TERF2IP: variants seen among roughly 807,000 people sequenced by gnomAD.
TERF2IP encodes telomeric repeat-binding factor 2-interacting protein 1.
Under a neutral mutation model 33.3 loss-of-function variants are expected in TERF2IP, and 35 were observed. The ratio of observed to expected loss-of-function variants is 1.05; its 90% CI spans 0.80 to 1.39. The LOEUF (loss-of-function observed/expected upper bound fraction) is 1.39. Among genes scored for constraint, TERF2IP ranks in the 40% most tolerant of loss-of-function variants. The pLI, the probability that TERF2IP is intolerant of heterozygous loss-of-function variation, is 0.00. For missense variants in TERF2IP, 583 were observed against 524.8 expected (o/e 1.11, Z -1.08); for synonymous variants, 253 against 223.2 (o/e 1.13, Z -1.19).
chr16:75,651,097 G>C (rs938980338), intron 1 of TERF2IP, among the ~76,000 whole-genome samples: 3 of 152,060 alleles, frequency 2.0e-5, no homozygotes, highest in African/African-American at 7.2e-5. Context: ...ATATTAGCAT[G>C]GTGATAAGTT....
intron 1 of TERF2IP, among the ~76,000 whole-genome samples, chr16:75,649,909 T>G (rs2082334669): frequency 6.6e-6 from 1 of 152,176 alleles, no homozygotes; most frequent in Non-Finnish European, 1.5e-5. Context: ...GATAGACCCT[T>G]TTGTTTAAAG....
At chr16:75,652,205 G>A (rs988717074) in intron 1 of TERF2IP, among the ~76,000 whole-genome samples, 11 of 152,188 alleles carry the variant, frequency 7.2e-5, no homozygotes, top group African/African-American at 2.4e-4. Context: ...CTCTATTACC[G>A]TCTCTTGTCT....
Position 75,648,003 on chromosome 16 carries a change from C to T in TERF2IP, c.121C>T (p.Arg41Trp). ...CGTGCGGCCCAGCCCGGCCAAGCGT[C>T]GGCTGTCGACGCTCATCCTGCACGG... ...FYVRPSPAKRRLSTLILHGGG... is the reference protein window; with the variant it reads ...FYVRPSPAKRWLSTLILHGGG... The change falls in exon 1 of 3, where the codon CGG (arginine) becomes TGG (tryptophan). Residue 41 changes from arginine (R) to tryptophan (W), a missense_variant. Arg to Trp is a moderately radical substitution (Grantham distance 101, BLOSUM62 -3). Transcript: ENST00000300086. 1 of 1,613,132 alleles carries T rather than the reference C, an allele frequency of 6.2e-7. No individual in the cohort carries two copies.
chr16:75,648,099 G>T lies in TERF2IP; in HGVS notation c.217G>T (p.Glu73Ter). The change falls in exon 1 of 3, where the codon GAG becomes TAG. Residue 73 changes from glutamate to a stop codon, truncating the protein, a stop_gained. Transcript: ENST00000300086. LOFTEE classifies it high-confidence loss of function. ...LLAQPGEALA[E>*]ASGDFISTQY... ...GGCCCAGCCCGGGGAGGCGCTGGCC[G>T]AGGCCTCGGGTGATTTCATCTCCAC... 6.4e-7 allele frequency: 1 copy of T among 1,558,258 alleles called. No individual in the cohort carries two copies. The highest frequency in any genetic ancestry group is 8.7e-7 in the Non-Finnish European group (1 of 1,152,332).
rs76657822 is a variant in TERF2IP at position 75,656,337 on chromosome 16, C to T, written c.926C>T (p.Pro309Leu). 1.2e-6 allele frequency: 2 copies of T among 1,613,974 alleles called. No individual in the cohort carries two copies. The highest frequency in any genetic ancestry group is 1.6e-4 in the Middle Eastern group (1 of 6,062). Residue 309 changes from proline to leucine, a missense_variant, in exon 3 of 3, where the codon CCA (proline) becomes CTA (leucine). By Grantham distance (98) the Pro-to-Leu change is moderately conservative. Transcript: ENST00000300086. ...EEEEEEKVSQ[P>L]EVGAAIKIIR... ...GAAGAAGAAGAAAAAGTTTCTCAACCAGAGGTGGGAGCTGCCATTAAGATC... is the reference window on the plus strand; with the variant it reads ...GAAGAAGAAGAAAAAGTTTCTCAACTAGAGGTGGGAGCTGCCATTAAGATC...
chr16:75,651,971 G>T (rs1446914323), intron 1 of TERF2IP, among the ~76,000 whole-genome samples: 1 of 152,140 alleles, frequency 6.6e-6, no homozygotes, highest in Non-Finnish European at 1.5e-5. Context: ...TAGTGTATGG[G>T]AAAACAAGTA....
Position 75,654,400 on chromosome 16 carries a change from A to G in TERF2IP, c.795+3A>G, listed in dbSNP as rs963808643. ...CCCGGGAGTTTGAGGAGGTTGTGGT[A>G]TGTTAACTAGATTTACTCATTATTT... On this transcript the variant is annotated splice_donor_region_variant and intron_variant, in intron 2 of 2. Transcript: ENST00000300086. The G allele has an allele frequency of 1.2e-6, 2 of 1,611,956 alleles. No homozygotes were observed. The highest frequency in any genetic ancestry group is 2.7e-5 in the African/African-American group (2 of 74,874).
At chr16:75,655,273 C>G (rs980973062) in intron 2 of TERF2IP, among the ~76,000 whole-genome samples, 2 of 152,182 alleles carry the variant, frequency 1.3e-5, no homozygotes, top group African/African-American at 2.4e-5. Context: ...TTCAGTCTAG[C>G]TTATATTACT....
intron 1 of TERF2IP, among the ~76,000 whole-genome samples, chr16:75,650,451 T>C (rs1199587902): frequency 6.6e-6 from 1 of 152,160 alleles, no homozygotes; most frequent in African/African-American, 2.4e-5. Flanking sequence ...GAGGGAGAAT[T>C]AATTATAGCA....
rs896541233 is a variant in TERF2IP at position 75,654,293 on chromosome 16, C to G, written c.691C>G (p.Pro231Ala). 6.2e-7 allele frequency: 1 copy of G among 1,613,516 alleles called. No homozygotes were observed. The highest frequency in any genetic ancestry group is 1.7e-5 in the Admixed American group (1 of 59,984). Residue 231 changes from proline (P) to alanine (A), a missense_variant, in exon 2 of 3, where the codon CCA becomes GCA. Physicochemically the swap from Pro to Ala is conservative, Grantham distance 27. Coordinates refer to ENST00000300086, the MANE Select transcript of TERF2IP (RefSeq NM_018975.4). ...DSGEPQNKRT[P>A]DLPEEEYVKE... ...AACAGAACCACAGAATAAGAGAACT[C>G]CAGATTTGCCTGAAGAAGAGTATGT...
At position 75,656,552 on chromosome 16, in the gene TERF2IP, T is replaced by C. The variant is rs1215840317; in HGVS notation, c.1141T>C (p.Leu381=). ...AGATGATGAGGATACCAGAGAGGCA[T>C]TGGTCAAAAAATTTGGTGCTCAGAA... The part of the protein sequence containing the change: ...QKDDEDTREA[L]VKKFGAQNVA... Residue 381 remains leucine, a synonymous_variant, in exon 3 of 3, where the codon TTG becomes CTG. Transcript: ENST00000300086. The C allele has an allele frequency of 3.1e-6, 5 of 1,613,362 alleles. No homozygotes were observed. The Admixed American group carries it at 5.0e-5, about 16-fold the overall frequency.
At chr16:75,656,176 A>G (rs745788980) in intron 2 of TERF2IP, 31 bp from the exon 3 acceptor site, 37 of 1,548,722 alleles carry the variant, frequency 2.4e-5, no homozygotes, top group Middle Eastern at 1.8e-4. Context: ...CTTGGTGATT[A>G]GGAGCTGGTT....
At position 75,656,257 on chromosome 16, in the gene TERF2IP, T is replaced by C; in HGVS notation, c.846T>C (p.Asp282=). The change falls in exon 3 of 3, where the codon GAT becomes GAC. Residue 282 remains aspartate, a synonymous_variant. Transcript: ENST00000300086. The part of the protein sequence containing the change: ...DFEIHITMCD[D]DPPTPEEDSE... ...AAATACATATAACTATGTGTGATGA[T>C]GATCCACCCACACCTGAGGAAGACT... The C allele has an allele frequency of 6.2e-7, 1 of 1,614,002 alleles. No homozygotes were observed. Among genetic ancestry groups the C allele is most frequent in the Non-Finnish European group, 8.5e-7 (1 of 1,179,988 alleles).
Position 75,647,927 on chromosome 16 carries a change from C to G in TERF2IP, c.45C>G (p.Thr15=). The G allele has an allele frequency of 6.2e-7, 1 of 1,612,218 alleles. No individual in the cohort carries two copies. The highest frequency in any genetic ancestry group is 8.5e-7 in the Non-Finnish European group (1 of 1,178,654). Residue 15 remains threonine (T), a synonymous_variant, in exon 1 of 3, where the codon ACC becomes ACG. Transcript: ENST00000300086. ...MDLGKDPNGP[T]HSSTLFVRDD... ...TGGGCAAAGACCCCAACGGGCCCAC[C>G]CATTCCTCGACTCTGTTCGTGAGGG...
intron 1 of TERF2IP, 24 bp from the exon 2 acceptor site, chr16:75,654,249 C>A: frequency 1.3e-6 from 2 of 1,566,804 alleles, no homozygotes; most frequent in Non-Finnish European, 1.7e-6. Context: ...TATTGCTAAT[C>A]TGTGCTGTTC....
At chr16:75,652,352 A>G (rs542239581) in intron 1 of TERF2IP, among the ~76,000 whole-genome samples, 1 of 152,260 alleles carries the variant, frequency 6.6e-6, no homozygotes, top group East Asian at 1.9e-4. Context: ...TTCTTTTCTA[A>G]TTGATTGCAC....
chr16:75,654,582 T>A (rs1386468726), intron 2 of TERF2IP, among the ~76,000 whole-genome samples, 185 bp downstream of exon 2: 1 of 152,192 alleles, frequency 6.6e-6, no homozygotes, highest in Non-Finnish European at 1.5e-5. Flanking sequence ...AAGCTTTTGC[T>A]TCACAAAGCT....
chr16:75,649,320 G>A (rs975218405), intron 1 of TERF2IP, among the ~76,000 whole-genome samples: 10 of 152,168 alleles, frequency 6.6e-5, no homozygotes, highest in Non-Finnish European at 1.3e-4. Context: ...GAGGCGGGCG[G>A]ATCACCTGAG....
rs987582049 is a variant in TERF2IP at position 75,652,976 on chromosome 16, A to G, written c.671-1297A>G. On this transcript the variant is annotated intron_variant, in intron 1 of 2. Coordinates refer to ENST00000300086, the MANE Select transcript of TERF2IP (RefSeq NM_018975.4). ...TCCGCCTTCTGTTTCTATGAATTCA[A>G]TATTTCTAGATACCTCATACAAGTA... Among the ~76,000 whole-genome samples, 6 of 152,072 alleles carry G rather than the reference A, an allele frequency of 3.9e-5. No individual in the cohort carries two copies. In the South Asian group the frequency reaches 8.3e-4, roughly 21 times the overall value.
Sources: allele counts gnomAD v4.1 joint callset (sites outside exome capture counted in the v4.1 genomes callset), GRCh38; gene constraint gnomAD v4.1.1; transcripts MANE v1.5; gene names NCBI Gene and HGNC (gene_info 2026-07-23, HGNC 2026-07-21).